The following TNIK variants were observed in gnomAD, a reference collection of about 807,000 sequenced individuals.
The protein encoded by TNIK is TRAF2 and NCK interacting kinase.
TNIK carries 49 observed loss-of-function variants against 191.3 expected under a neutral mutation model. That is an observed-to-expected ratio of 0.26 (90% CI 0.20 to 0.32). The LOEUF (loss-of-function observed/expected upper bound fraction) is 0.32, where lower values mean the gene tolerates loss of function less well. TNIK is among the 10% of genes least tolerant of loss of function. The pLI is 1.00. For synonymous variants in TNIK, 594 were observed against 600.9 expected, an observed-to-expected ratio of 0.99 and a Z score of 0.17; for missense variants, 1,155 against 1,702.3, an observed-to-expected ratio of 0.68 and a Z score of 5.66.
At chr3:171,199,361 G>A (rs1265146088) in intron 4 of TNIK, among the ~76,000 whole-genome samples, 3 of 152,146 alleles carry the variant, frequency 2.0e-5, no homozygotes, top group African/African-American at 7.2e-5. Context: ...AACATGCCAA[G>A]CTCAGCAGTG....
intron 22 of TNIK, among the ~76,000 whole-genome samples, chr3:171,101,177 A>G (rs1723489579): frequency 6.6e-6 from 1 of 152,148 alleles, no homozygotes; most frequent in African/African-American, 2.4e-5. Flanking sequence ...TAAGATGAAA[A>G]GAACAAGAAA....
intron 2 of TNIK, among the ~76,000 whole-genome samples, chr3:171,293,559 C>T (rs1751926300): frequency 6.6e-6 from 1 of 152,214 alleles, no homozygotes; most frequent in African/African-American, 2.4e-5. Flanking sequence ...GTCTTTGACA[C>T]CTTTCTAATA....
chr3:171,398,052 A>C (rs1720471068), intron 1 of TNIK, among the ~76,000 whole-genome samples: 1 of 152,246 alleles, frequency 6.6e-6, no homozygotes, highest in South Asian at 2.1e-4. Context: ...AAAATACAAC[A>C]GGCTGGTGAT....
chr3:171,286,077 A>G (rs1014487029), intron 2 of TNIK, among the ~76,000 whole-genome samples: 6 of 152,186 alleles, frequency 3.9e-5, no homozygotes, highest in Non-Finnish European at 5.9e-5. Context: ...TTTCCTGGTT[A>G]GCCTTTGCTG....
intron 1 of TNIK, among the ~76,000 whole-genome samples, chr3:171,429,775 T>C (rs1157316634): frequency 1.3e-5 from 2 of 152,162 alleles, no homozygotes; most frequent in Admixed American, 6.5e-5. Flanking sequence ...CTCTACTCTA[T>C]GTTAATTGCC....
intron 1 of TNIK, among the ~76,000 whole-genome samples, chr3:171,380,839 T>C (rs1336303041): frequency 6.6e-6 from 1 of 152,230 alleles, no homozygotes; most frequent in African/African-American, 2.4e-5. Flanking sequence ...AGATCATCTG[T>C]TACTCTCCCA....
At chr3:171,172,537 T>C (rs1259524985) in intron 9 of TNIK, among the ~76,000 whole-genome samples, 1 of 152,186 alleles carries the variant, frequency 6.6e-6, no homozygotes, top group African/African-American at 2.4e-5. Context: ...CTCTGAAGTG[T>C]TTAAATATTT....
intron 2 of TNIK, among the ~76,000 whole-genome samples, chr3:171,335,077 C>A (rs899956977): frequency 2.0e-5 from 3 of 150,470 alleles, no homozygotes; most frequent in Admixed American, 6.6e-5. Flanking sequence ...TCACTAGCAA[C>A]CTTCTATTAG....
At chr3:171,155,892 CCTGGAT>C (rs1733106455) in intron 12 of TNIK, among the ~76,000 whole-genome samples, 1 of 152,198 alleles carries the variant, frequency 6.6e-6, no homozygotes, top group Admixed American at 6.5e-5. Flanking sequence ...AGGCCAATCC[CCTGGAT>C]CTGAAACCCG....
At chr3:171,291,862 A>G (rs1751716104) in intron 2 of TNIK, among the ~76,000 whole-genome samples, 1 of 152,118 alleles carries the variant, frequency 6.6e-6, no homozygotes, top group African/African-American at 2.4e-5. Flanking sequence ...AACCTTAAAC[A>G]CATACTAGGC....
At chr3:171,093,529 T>C (rs1026630886) in intron 23 of TNIK, among the ~76,000 whole-genome samples, 5 of 152,234 alleles carry the variant, frequency 3.3e-5, no homozygotes, top group African/African-American at 1.2e-4. Flanking sequence ...ATTTCTGTTT[T>C]CCTGTTGTAG....
rs752653400 is a variant in TNIK, at chr3:171,087,515, G to A, written c.2722-9C>T. ...TTCTTCTCTCCAGACGTCTGAGGGA[G>A]CACAGCACGTGGGAGGAGTTAGAGA... On this transcript the variant is annotated splice_polypyrimidine_tract_variant and intron_variant, in intron 23 of 32. Transcript: ENST00000436636. The A allele has an allele frequency of 4.2e-5, 68 of 1,612,984 alleles. No homozygotes were observed. In the Middle Eastern group the frequency reaches 5.1e-4, roughly 12 times the overall value.
At chr3:171,458,337 T>C (rs1028351309) in intron 1 of TNIK, among the ~76,000 whole-genome samples, 11 of 151,992 alleles carry the variant, frequency 7.2e-5, no homozygotes, top group African/African-American at 2.7e-4. Flanking sequence ...CCCACCCCGC[T>C]GCGCAGGGGG....
chr3:171,364,649 G>A lies in TNIK; in HGVS notation c.123+4971C>T, dbSNP rs550159371. Among the ~76,000 whole-genome samples the A allele has an allele frequency of 9.7e-4, 147 of 152,262 alleles. 1 individual carries two copies. The highest frequency in any genetic ancestry group is 3.4e-3 in the Middle Eastern group (1 of 294). ...ATTGCTAAATACAGACATAAACAAG[G>A]AAGTAAGATAATTCAGAGAGTGGCA... On this transcript the variant is annotated intron_variant, in intron 2 of 32. Transcript: ENST00000436636.
At chr3:171,169,102 A>G (rs1402717582) in intron 9 of TNIK, among the ~76,000 whole-genome samples, 2 of 152,224 alleles carry the variant, frequency 1.3e-5, no homozygotes, top group Non-Finnish European at 2.9e-5. Flanking sequence ...GCTGACCTGC[A>G]TGAAGATATA....
chr3:171,111,372 G>A lies in TNIK; in HGVS notation c.2121-495C>T, dbSNP rs543355201. Among the ~76,000 whole-genome samples the A allele has an allele frequency of 4.6e-5, 7 of 152,080 alleles. No individual in the cohort carries two copies. The South Asian group carries it at 8.3e-4, about 18-fold the overall frequency. On this transcript the variant is annotated intron_variant, in intron 18 of 32. Transcript: ENST00000436636. ...CAAGGCTTCAGTGAGCCATGATCAC[G>A]CCACTGCACTCCAGCCTGGGCAACA...
chr3:171,243,181 C>T (rs559005491), intron 2 of TNIK, among the ~76,000 whole-genome samples: 63 of 152,238 alleles, frequency 4.1e-4, no homozygotes, highest in African/African-American at 1.4e-3. Flanking sequence ...TTCTTTCGAA[C>T]TCCACTTTCA....
intron 16 of TNIK, among the ~76,000 whole-genome samples, chr3:171,127,300 T>C (rs1180782807): frequency 6.6e-6 from 1 of 152,138 alleles, no homozygotes; most frequent in African/African-American, 2.4e-5. Flanking sequence ...AATGTTAAGC[T>C]TCAACCAGAA....
intron 10 of TNIK, among the ~76,000 whole-genome samples, chr3:171,161,704 G>A (rs929706902): frequency 6.6e-6 from 1 of 151,844 alleles, no homozygotes; most frequent in Non-Finnish European, 1.5e-5. Flanking sequence ...GGATCACAAG[G>A]TCAGGAGATC....
Sources: allele counts gnomAD v4.1 joint callset (sites outside exome capture counted in the v4.1 genomes callset), GRCh38; gene constraint gnomAD v4.1.1; transcripts MANE v1.5; gene names NCBI Gene and HGNC (gene_info 2026-07-23, HGNC 2026-07-21).